Variants in SUGT1 observed in about 807,000 individuals in gnomAD.
SUGT1 encodes SGT1 assembly cochaperone of MIS12 kinetochore complex.
A neutral mutation model predicts 56.1 loss-of-function variants in SUGT1; 15 were observed. The observed-to-expected ratio is 0.27, with a 90% CI of 0.18 to 0.41. The LOEUF is 0.41. SUGT1 is among the 10% of genes least tolerant of loss of function. The probability of loss-of-function intolerance (pLI) is 1.00; values close to 1 mark genes in which losing one functional copy is unlikely to be tolerated. For missense variants in SUGT1, 347 were observed against 382.2 expected (o/e 0.91, Z 0.77); for synonymous variants, 123 against 128.6 (o/e 0.96, Z 0.30).
rs975946859 is a variant in SUGT1 at position 52,696,194 on chromosome 13, A to G, written c.*8359A>G. 1.3e-5 allele frequency: 2 copies of G among 152,240 alleles called. No individual in the cohort carries two copies. Among genetic ancestry groups the G allele is most frequent in the African/African-American group, 4.8e-5 (2 of 41,458 alleles). 9.4% of individuals were successfully genotyped at this position (152,240 alleles called of 1,614,324 possible). A position where few individuals can be genotyped will look rare whatever the true frequency, so the allele number is the denominator to read the frequency against. On this transcript the variant is annotated 3_prime_UTR_variant, in exon 13 of 13. Coordinates refer to ENST00000310528, the MANE Select transcript of SUGT1 (RefSeq NM_006704.5). ...CCTGGTACATAGAGAACAGGCTCCCAGAATTGGATGGATTTGCTCATGGTC... is the reference window on the plus strand; with the variant it reads ...CCTGGTACATAGAGAACAGGCTCCCGGAATTGGATGGATTTGCTCATGGTC...
Position 52,694,469 on chromosome 13 carries a change from GA to G in SUGT1, c.*6636del, listed in dbSNP as rs1406359666. The stretch of plus-strand genomic sequence containing the variant: ...GTAAGTATTGTCAGCACTTTATAAA[GA>G]ATCGTAAAATAAAATAGTGGCAGAA... On this transcript the variant is annotated 3_prime_UTR_variant, in exon 13 of 13. Transcript: ENST00000310528. 6.6e-6 allele frequency: 1 copy of G among 152,168 alleles called. No individual in the cohort carries two copies. Among genetic ancestry groups the G allele is most frequent in the Non-Finnish European group, 1.5e-5 (1 of 68,010 alleles). The allele number at this position is 152,168 out of a possible 1,614,324, so 9.4% of individuals were successfully genotyped here.
At chr13:52,661,989 A>T (rs1962477698) in intron 5 of SUGT1, among the ~76,000 whole-genome samples, 1 of 152,230 alleles carries the variant, frequency 6.6e-6, no homozygotes, top group African/African-American at 2.4e-5. Flanking sequence ...GACTGTTTAA[A>T]TGTAATCATT....
At position 52,663,031 on chromosome 13, in the gene SUGT1, A is replaced by T. The variant is rs112621224; in HGVS notation, c.383-65A>T. 14 of 1,550,240 alleles carry T rather than the reference A, an allele frequency of 9.0e-6. 1 individual carries two copies. The highest frequency in any genetic ancestry group is 5.6e-5 in the Admixed American group (3 of 53,646). On this transcript the variant is annotated intron_variant, in intron 6 of 12. Transcript: ENST00000310528. Reference sequence around the variant, plus strand: ...TCAGTATGTTTGTGCTATAGAAATCATACAAATAACTTTGCTTAAAAATGC... The same window carrying T: ...TCAGTATGTTTGTGCTATAGAAATCTTACAAATAACTTTGCTTAAAAATGC...
chr13:52,653,197 C>CAGG, intron 2 of SUGT1, 94 bp downstream of exon 2: 1 of 1,460,620 alleles, frequency 6.8e-7, no homozygotes, highest in Non-Finnish European at 9.5e-7. Context: ...CACCGCCGGA[C>CAGG]AGGGACCCAG....
rs991344537 is a variant in SUGT1, at chr13:52,688,785, T to G, written c.*950T>G. 5 of 152,166 alleles carry G rather than the reference T, an allele frequency of 3.3e-5. No homozygotes were observed. Among genetic ancestry groups the G allele is most frequent in the African/African-American group, 1.2e-4 (5 of 41,446 alleles). The allele number at this position is 152,166 out of a possible 1,614,324, so 9.4% of individuals were successfully genotyped here. A position where few individuals can be genotyped will look rare whatever the true frequency, so the allele number is the denominator to read the frequency against. On this transcript the variant is annotated 3_prime_UTR_variant, in exon 13 of 13. Coordinates refer to ENST00000310528, the MANE Select transcript of SUGT1 (RefSeq NM_006704.5). Reference sequence around the variant, plus strand: ...GACATGATTATTAACTTCAAAGAGCTTATAAATGTAGCAGGGAAAAAAAAT... The same window carrying G: ...GACATGATTATTAACTTCAAAGAGCGTATAAATGTAGCAGGGAAAAAAAAT...
Position 52,653,101 on chromosome 13 carries a change from G to T in SUGT1, c.94G>T (p.Glu32Ter), listed in dbSNP as rs1253456163. 1.2e-6 allele frequency: 2 copies of T among 1,614,034 alleles called. No individual in the cohort carries two copies. Among genetic ancestry groups the T allele is most frequent in the Non-Finnish European group, 1.7e-6 (2 of 1,180,044 alleles). ...CGACGAGGACCCCCAGGCGGCGTTA[G>T]AGGTGAGAGAGCCCATTTCTGCTTC... is the stretch of plus-strand genomic sequence containing the variant. ...LIDEDPQAAL[E>*]ELTKALEQKP... Residue 32 changes from glutamate to a stop codon, truncating the protein, a stop_gained and splice_region_variant, in exon 2 of 13, where the codon GAG becomes TAG. Transcript: ENST00000310528. LOFTEE classifies it high-confidence loss of function.
intron 2 of SUGT1, 35 bp from the exon 3 acceptor site, chr13:52,657,497 A>G (rs2138106840): frequency 6.3e-7 from 1 of 1,580,472 alleles, no homozygotes; most frequent in Non-Finnish European, 8.7e-7. Flanking sequence ...CTTCTTACAA[A>G]CTTTTACTGA....
chr13:52,673,286 G>A (rs969029265), intron 10 of SUGT1, among the ~76,000 whole-genome samples: 1 of 143,520 alleles, frequency 7.0e-6, no homozygotes, highest in African/African-American at 2.6e-5. Context: ...TCACTCTGTT[G>A]CCCATGCTGG....
At chr13:52,666,181 G>A (rs1444563669) in intron 9 of SUGT1, among the ~76,000 whole-genome samples, 1 of 152,180 alleles carries the variant, frequency 6.6e-6, no homozygotes, top group East Asian at 1.9e-4. Context: ...CTCCTCCTGG[G>A]TTCAAACAAT....
intron 2 of SUGT1, among the ~76,000 whole-genome samples, 169 bp from the exon 3 acceptor site, chr13:52,657,363 G>C (rs1344887207): frequency 6.6e-6 from 1 of 152,130 alleles, no homozygotes; most frequent in Admixed American, 6.5e-5. Context: ...CAAGAGAAGT[G>C]GGGGAGATAT....
In SUGT1 at chr13:52,677,713, GTTGTC is replaced by G. The variant is rs1963205624; in HGVS notation, c.718+1395_718+1399del. ...TTGGGTCCAGTTATTCTGTTAACCC[GTTGTC>G]TACTTGTTGCATACTGCTTGTTGTT... On this transcript the variant is annotated intron_variant, in intron 11 of 12. Coordinates refer to ENST00000310528, the MANE Select transcript of SUGT1 (RefSeq NM_006704.5). Among the ~76,000 whole-genome samples the G allele has an allele frequency of 6.7e-3, 6 of 890 alleles. No homozygotes were observed. In the South Asian group the frequency reaches 0.083, roughly 12 times the overall value. 0.6% of individuals were successfully genotyped at this position (890 alleles called of 152,430 possible). A position where few individuals can be genotyped will look rare whatever the true frequency, so the allele number is the denominator to read the frequency against.
intron 5 of SUGT1, among the ~76,000 whole-genome samples, chr13:52,661,302 TTTTGTTTG>T (rs754465019): frequency 2.4e-4 from 37 of 151,958 alleles, no homozygotes; most frequent in Admixed American, 1.1e-3. Context: ...TTTTTTTTGT[TTTTGTTTG>T]TTTGTTTGTT....
At chr13:52,678,205 A>G (rs764236681) in intron 11 of SUGT1, among the ~76,000 whole-genome samples, 1 of 152,152 alleles carries the variant, frequency 6.6e-6, no homozygotes, top group African/African-American at 2.4e-5. Flanking sequence ...CCTGGCTACT[A>G]GTGAAAATGT....
At chr13:52,664,575 C>T (rs1040446177) in intron 8 of SUGT1, among the ~76,000 whole-genome samples, 4 of 152,140 alleles carry the variant, frequency 2.6e-5, no homozygotes, top group Non-Finnish European at 5.9e-5. Flanking sequence ...AAACACAAGC[C>T]GTTGATCTGG....
At position 52,676,336 on chromosome 13, in the gene SUGT1, TTGA is replaced by T. The variant is rs1963142787; in HGVS notation, c.718+20_718+22del. 8 of 1,596,366 alleles carry T rather than the reference TTGA, an allele frequency of 5.0e-6. No individual in the cohort carries two copies. Among genetic ancestry groups the T allele is most frequent in the Non-Finnish European group, 6.8e-6 (8 of 1,168,924 alleles). On this transcript the variant is annotated intron_variant, in intron 11 of 12. Coordinates refer to ENST00000310528, the MANE Select transcript of SUGT1 (RefSeq NM_006704.5). ...TTCGTAGCAGGTTTGTTTTCTGGCC[TTGA>T]TGAGCTTTATATTCATATTGTGTTG...
intron 12 of SUGT1, among the ~76,000 whole-genome samples, chr13:52,681,849 A>G (rs77311388): frequency 6.1e-5 from 9 of 147,218 alleles, no homozygotes; most frequent in South Asian, 2.1e-4. Flanking sequence ...AAAAAAAAAA[A>G]AGAGAGAGAG....
Position 52,690,167 on chromosome 13 carries a change from T to A in SUGT1, c.*2332T>A, listed in dbSNP as rs533827682. The A allele has an allele frequency of 9.2e-5, 14 of 152,294 alleles. No homozygotes were observed. Among genetic ancestry groups the A allele is most frequent in the Middle Eastern group, 3.4e-3 (1 of 294 alleles). 9.4% of individuals were successfully genotyped at this position (152,294 alleles called of 1,614,324 possible). ...CTTGTCAAATACATTAGATTCATTA[T>A]AGGTCAAGGGAATTTTGAAAAGTAG... On this transcript the variant is annotated 3_prime_UTR_variant, in exon 13 of 13. Transcript: ENST00000310528.
intron 12 of SUGT1, among the ~76,000 whole-genome samples, chr13:52,681,146 G>A (rs1963356455): frequency 6.6e-6 from 1 of 151,608 alleles, no homozygotes; most frequent in African/African-American, 2.4e-5. Flanking sequence ...CCTCACTATT[G>A]ATTAAAAAAT....
intron 10 of SUGT1, among the ~76,000 whole-genome samples, chr13:52,667,428 T>C (rs1381133036): frequency 6.6e-6 from 1 of 152,134 alleles, no homozygotes; most frequent in Non-Finnish European, 1.5e-5. Flanking sequence ...CACTGCAACC[T>C]CTGCCTCCTG....
Sources: gnomAD v4.1 joint callset for allele counts (sites outside exome capture counted in the v4.1 genomes callset) on GRCh38, gnomAD v4.1.1 for gene constraint, MANE v1.5 for transcripts, NCBI Gene and HGNC (gene_info 2026-07-23, HGNC 2026-07-21) for gene names.